Variants in CREB5 observed in about 807,000 individuals in gnomAD.
CREB5 encodes the protein cAMP responsive element binding protein 5.
In CREB5, 19 loss-of-function variants were observed where a neutral mutation model predicts 57.1. That is an observed-to-expected ratio of 0.33 (90% CI 0.23 to 0.49). CREB5 has a LOEUF of 0.49. Ranked by LOEUF, CREB5 falls within the 20% of genes least tolerant of loss-of-function variation. The pLI is 0.99. For synonymous variants in CREB5, 238 were observed against 238.3 expected, an observed-to-expected ratio of 1.00 and a Z score of 0.01; for missense variants, 579 against 671.6, an observed-to-expected ratio of 0.86 and a Z score of 1.52.
chr7:28,509,070 ATT>A, intron 4 of CREB5, among the ~76,000 whole-genome samples: 1 of 150,890 alleles, frequency 6.6e-6, no homozygotes, highest in South Asian at 2.1e-4. Flanking sequence ...TGAGTAATAA[ATT>A]TTTTTTTTGA....
intron 6 of CREB5, among the ~76,000 whole-genome samples, chr7:28,719,940 G>C (rs1373868760): frequency 6.6e-6 from 1 of 152,126 alleles, no homozygotes; most frequent in Non-Finnish European, 1.5e-5. Context: ...TGAACCTGTA[G>C]TCCCAGCTTC....
At chr7:28,690,859 T>A (rs976375151) in intron 5 of CREB5, among the ~76,000 whole-genome samples, 5 of 152,160 alleles carry the variant, frequency 3.3e-5, no homozygotes, top group Admixed American at 1.3e-4. Flanking sequence ...GCCTTTTTTT[T>A]AAATTCAGGA....
chr7:28,592,937 T>G (rs1796574862), intron 5 of CREB5, among the ~76,000 whole-genome samples: 1 of 152,244 alleles, frequency 6.6e-6, no homozygotes, highest in East Asian at 1.9e-4. Context: ...GAGGTTAAGT[T>G]ACTTGCCCAA....
chr7:28,418,043 G>T (rs192500339), intron 1 of CREB5, among the ~76,000 whole-genome samples: 132 of 152,250 alleles, frequency 8.7e-4, no homozygotes, highest in African/African-American at 3.2e-3. Flanking sequence ...TATTTTGCCA[G>T]CTTACTCTTT....
At chr7:28,457,247 A>C (rs940952481) in intron 1 of CREB5, among the ~76,000 whole-genome samples, 2 of 152,198 alleles carry the variant, frequency 1.3e-5, no homozygotes, top group African/African-American at 2.4e-5. Context: ...AATGGCATAT[A>C]ATTTCAACAT....
At chr7:28,786,961 G>A (rs1807364927) in intron 7 of CREB5, among the ~76,000 whole-genome samples, 1 of 152,282 alleles carries the variant, frequency 6.6e-6, no homozygotes, top group Non-Finnish European at 1.5e-5. Flanking sequence ...ACAGAATATA[G>A]TGTAAAAACC....
At chr7:28,764,165 T>C (rs1472060306) in intron 7 of CREB5, among the ~76,000 whole-genome samples, 2 of 152,148 alleles carry the variant, frequency 1.3e-5, no homozygotes, top group African/African-American at 4.8e-5. Context: ...AGAAGTTTTC[T>C]TCAAGGACTA....
intron 1 of CREB5, among the ~76,000 whole-genome samples, chr7:28,346,020 G>A (rs1019767231): frequency 6.6e-6 from 1 of 152,154 alleles, no homozygotes; most frequent in African/African-American, 2.4e-5. Flanking sequence ...TTATCCGAAG[G>A]GGGGCACCGT....
intron 7 of CREB5, among the ~76,000 whole-genome samples, chr7:28,759,854 G>A (rs1324629002): frequency 6.6e-6 from 1 of 152,218 alleles, no homozygotes; most frequent in African/African-American, 2.4e-5. Flanking sequence ...GTTTATGTTT[G>A]TCTGTGGTAT....
Position 28,310,958 on chromosome 7 carries a change from C to T in CREB5, c.-25+11517C>T, listed in dbSNP as rs191770650. ...AATTGTGATCTAGTTAGAGTCCACA[C>T]GGGACATTTGGTCATTATGTCTCTT... On this transcript the variant is annotated intron_variant, in intron 1 of 9. Coordinates refer to the CREB5 transcript ENST00000396299. Among the ~76,000 whole-genome samples, 405 of 152,100 alleles carry T rather than the reference C, an allele frequency of 2.7e-3. 1 individual carries two copies. Among genetic ancestry groups the T allele is most frequent in the African/African-American group, 9.2e-3 (383 of 41,486 alleles).
chr7:28,641,596 G>A (rs897139902), intron 5 of CREB5, among the ~76,000 whole-genome samples: 1 of 151,876 alleles, frequency 6.6e-6, no homozygotes, highest in Admixed American at 6.5e-5. Flanking sequence ...GTTTGCTTCA[G>A]GGAAAAAACA....
chr7:28,563,843 C>T (rs1795375163), intron 4 of CREB5, among the ~76,000 whole-genome samples: 2 of 152,220 alleles, frequency 1.3e-5, no homozygotes, highest in East Asian at 1.9e-4. Context: ...TACAGTGCTG[C>T]GGAGAATGCT....
chr7:28,624,572 T>C (rs1797929394), intron 5 of CREB5, among the ~76,000 whole-genome samples: 1 of 151,712 alleles, frequency 6.6e-6, no homozygotes, highest in African/African-American at 2.4e-5. Flanking sequence ...TCTTTAAGCC[T>C]CCACTTCTGC....
At chr7:28,673,661 T>A (rs1345339917) in intron 5 of CREB5, among the ~76,000 whole-genome samples, 3 of 91,216 alleles carry the variant, frequency 3.3e-5, no homozygotes, top group East Asian at 5.4e-4. Flanking sequence ...CTCTCTCTTT[T>A]TTTTTTTTTT....
intron 5 of CREB5, among the ~76,000 whole-genome samples, chr7:28,597,517 A>G (rs1253724504): frequency 6.6e-6 from 1 of 152,226 alleles, no homozygotes; most frequent in Non-Finnish European, 1.5e-5. Context: ...AAAGATAAAC[A>G]GTGATCTGGA....
At chr7:28,559,554 A>G (rs551937310) in intron 4 of CREB5, among the ~76,000 whole-genome samples, 2 of 149,518 alleles carry the variant, frequency 1.3e-5, no homozygotes, top group African/African-American at 2.4e-5. Flanking sequence ...AGCTCAGGCA[A>G]TCCGCCCGCC....
At chr7:28,639,647 C>T (rs1798568602) in intron 5 of CREB5, among the ~76,000 whole-genome samples, 1 of 152,124 alleles carries the variant, frequency 6.6e-6, no homozygotes, top group South Asian at 2.1e-4. Context: ...CCAAAGACCT[C>T]ACAAGGACTT....
rs11981249 is a variant in CREB5, at chr7:28,649,780, G to C, written c.465-68973G>C. ...AATAATTTTTGATGAATGATTAAAT[G>C]CATGGATGAATGAATAAATAAATTA... On this transcript the variant is annotated intron_variant, in intron 5 of 10. Transcript: ENST00000357727. 6.1e-3 allele frequency among the ~76,000 whole-genome samples: 932 copies of C among 152,234 alleles called. 10 individuals are homozygous for C. Among genetic ancestry groups the C allele is most frequent in the African/African-American group, 0.021 (857 of 41,544 alleles).
At chr7:28,547,801 T>C (rs1415667036) in intron 4 of CREB5, among the ~76,000 whole-genome samples, 2 of 152,192 alleles carry the variant, frequency 1.3e-5, no homozygotes, top group Non-Finnish European at 2.9e-5. Flanking sequence ...GCTTTGGAAG[T>C]GTGTAGGTTT....
Sources: gnomAD v4.1 joint callset for allele counts (sites outside exome capture counted in the v4.1 genomes callset) on GRCh38, gnomAD v4.1.1 for gene constraint, MANE v1.5 for transcripts, NCBI Gene and HGNC (gene_info 2026-07-23, HGNC 2026-07-21) for gene names.